CEP112: variants seen among roughly 807,000 people sequenced by gnomAD.
CEP112 encodes the protein centrosomal protein 112.
Under a neutral mutation model 153.0 loss-of-function variants are expected in CEP112, and 127 were observed. The observed-to-expected ratio is 0.83, with a 90% CI of 0.72 to 0.96. CEP112 has a LOEUF of 0.96. Ranked by LOEUF, CEP112 falls within the 40% of genes least tolerant of loss-of-function variation. The pLI is 0.00. For missense variants in CEP112, 1,089 were observed against 1,101.2 expected (o/e 0.99, Z 0.16); for synonymous variants, 358 against 374.4 (o/e 0.96, Z 0.51).
intron 19 of CEP112, among the ~76,000 whole-genome samples, chr17:65,916,071 A>C (rs528005365): frequency 2.6e-5 from 4 of 152,112 alleles, no homozygotes; most frequent in Non-Finnish European, 5.9e-5. Flanking sequence ...TCCAGGTCTT[A>C]ATTTGAATAT....
chr17:65,637,318 C>T, intron 25 of CEP112, 130 bp from the exon 26 acceptor site: 1 of 687,812 alleles, frequency 1.5e-6, no homozygotes, highest in Non-Finnish European at 2.6e-6. Context: ...TGTTGAATGT[C>T]AATGTTGTGT....
intron 24 of CEP112, among the ~76,000 whole-genome samples, chr17:65,652,100 T>C (rs7405581): frequency 0.07 from 10,611 of 152,200 alleles, 945 homozygotes; most frequent in East Asian, 0.46. Flanking sequence ...AACCACAATG[T>C]GATCTCTTTT....
At chr17:65,838,975 C>T (rs1294160162) in intron 21 of CEP112, among the ~76,000 whole-genome samples, 1 of 152,088 alleles carries the variant, frequency 6.6e-6, no homozygotes, top group East Asian at 1.9e-4. Flanking sequence ...AAAACCAGAA[C>T]AGACCAGTAA....
At chr17:65,644,488 C>A in intron 24 of CEP112, 2 of 348,512 alleles carry the variant, frequency 5.7e-6, no homozygotes, top group South Asian at 3.2e-5. Context: ...TGGATGGCAG[C>A]CAGCTCATAC....
At chr17:65,978,256 T>TAAAAGAAC (rs1873803568) in intron 17 of CEP112, among the ~76,000 whole-genome samples, 1 of 151,186 alleles carries the variant, frequency 6.6e-6, no homozygotes, top group South Asian at 2.1e-4. Flanking sequence ...ATCCTATCTC[T>TAAAAGAAC]AAAAGAAAAT....
At chr17:65,721,788 A>G (rs183789037) in intron 23 of CEP112, among the ~76,000 whole-genome samples, 78 of 152,230 alleles carry the variant, frequency 5.1e-4, no homozygotes, top group Non-Finnish European at 6.6e-4. Context: ...TTCAAATAAT[A>G]ACCTCTTTTC....
intron 24 of CEP112, among the ~76,000 whole-genome samples, chr17:65,686,745 G>A (rs555106541): frequency 2.0e-5 from 3 of 152,192 alleles, no homozygotes; most frequent in East Asian, 1.9e-4. Flanking sequence ...TCCTTTGCTC[G>A]TTGCTTTTCT....
chr17:65,991,691 A>G (rs1157816828), intron 17 of CEP112, among the ~76,000 whole-genome samples: 1 of 152,130 alleles, frequency 6.6e-6, no homozygotes, highest in East Asian at 1.9e-4. Context: ...CTTTGTGTTT[A>G]CTATTCAAGT....
chr17:66,138,249 G>A (rs1226939425), intron 4 of CEP112, among the ~76,000 whole-genome samples: 4 of 152,188 alleles, frequency 2.6e-5, no homozygotes, highest in South Asian at 2.1e-4. Context: ...AGAGGAGTTC[G>A]TCAACAGGAA....
chr17:65,726,569 T>C (rs1327646448), intron 23 of CEP112, among the ~76,000 whole-genome samples: 1 of 152,014 alleles, frequency 6.6e-6, no homozygotes, highest in Admixed American at 6.6e-5. Context: ...ACCAGCTTGA[T>C]TGGAAGAGAA....
rs5821571 is a variant in CEP112, at chr17:65,853,726, TA to T, written c.2164-1693del. On this transcript the variant is annotated intron_variant, in intron 20 of 26. Coordinates refer to ENST00000535342, the MANE Select transcript of CEP112 (RefSeq NM_001199165.4). Reference sequence around the variant, plus strand: ...CTGGGCAACAGAGCGAGACTCCATCTAAAAAAAAAAAAAAAATTCTATTTCC... The same window carrying T: ...CTGGGCAACAGAGCGAGACTCCATCTAAAAAAAAAAAAAAATTCTATTTCC... 4.4e-3 allele frequency among the ~76,000 whole-genome samples: 624 copies of T among 142,782 alleles called. 2 individuals carry two copies. Among genetic ancestry groups the T allele is most frequent in the African/African-American group, 0.012 (450 of 38,498 alleles). The allele number at this position is 142,782 out of a possible 152,430, so 93.7% of individuals were successfully genotyped here. A position where few individuals can be genotyped will look rare whatever the true frequency, so the allele number is the denominator to read the frequency against.
chr17:66,039,219 T>TA (rs2065870320), intron 12 of CEP112, among the ~76,000 whole-genome samples: 1 of 152,168 alleles, frequency 6.6e-6, no homozygotes, highest in Non-Finnish European at 1.5e-5. Flanking sequence ...ATATAAAATG[T>TA]CTCATGGTCT....
intron 18 of CEP112, among the ~76,000 whole-genome samples, chr17:65,956,438 T>C (rs899941625): frequency 2.4e-4 from 22 of 91,496 alleles, no homozygotes; most frequent in Non-Finnish European, 4.3e-4. Flanking sequence ...ACACACACCA[T>C]GGAATACTAC....
intron 2 of CEP112, among the ~76,000 whole-genome samples, chr17:66,181,031 A>T (rs2072697497): frequency 6.6e-6 from 1 of 152,162 alleles, no homozygotes; most frequent in Non-Finnish European, 1.5e-5. Context: ...TGATAAACTT[A>T]AGTAAATAGT....
rs1234496659 is a variant in CEP112 at position 65,635,893 on chromosome 17, A to G, written c.*78T>C. Reference sequence around the variant, plus strand: ...AATGCCACTGATCTCACAGTTTACAATATCCAAATCTTCAAACCTGCTGGA... The same window carrying G: ...AATGCCACTGATCTCACAGTTTACAGTATCCAAATCTTCAAACCTGCTGGA... On this transcript the variant is annotated 3_prime_UTR_variant, in exon 27 of 27. Transcript: ENST00000535342. 6.8e-7 allele frequency: 1 copy of G among 1,471,270 alleles called. No homozygotes were observed. The highest frequency in any genetic ancestry group is 9.3e-7 in the Non-Finnish European group (1 of 1,071,240). The allele number at this position is 1,471,270 out of a possible 1,614,324, so 91.1% of individuals were successfully genotyped here.
At chr17:65,816,041 T>C (rs2056244679) in intron 21 of CEP112, among the ~76,000 whole-genome samples, 2 of 152,138 alleles carry the variant, frequency 1.3e-5, no homozygotes. Flanking sequence ...TAACAGTAGA[T>C]GTCTTTTCCT....
chr17:66,052,337 A>G (rs1042478128), intron 12 of CEP112, among the ~76,000 whole-genome samples: 2 of 152,232 alleles, frequency 1.3e-5, no homozygotes, highest in Non-Finnish European at 2.9e-5. Flanking sequence ...CATTTGTATC[A>G]GTAACAAGAC....
chr17:66,125,970 T>G (rs937921714), intron 6 of CEP112, among the ~76,000 whole-genome samples: 2 of 152,186 alleles, frequency 1.3e-5, no homozygotes, highest in Non-Finnish European at 2.9e-5. Flanking sequence ...TAGTGCTAAA[T>G]TTAAAAGCTT....
intron 12 of CEP112, among the ~76,000 whole-genome samples, chr17:66,049,779 A>T (rs200877043): frequency 6.6e-6 from 1 of 152,142 alleles, no homozygotes; most frequent in East Asian, 1.9e-4. Flanking sequence ...GAGTCAAATG[A>T]AAATACTAGG....
Sources: allele counts gnomAD v4.1 joint callset (sites outside exome capture counted in the v4.1 genomes callset), GRCh38; gene constraint gnomAD v4.1.1; transcripts MANE v1.5; gene names NCBI Gene and HGNC (gene_info 2026-07-23, HGNC 2026-07-21).